Variants in PIP5K1B observed in about 807,000 individuals in gnomAD.
PIP5K1B encodes phosphatidylinositol 4-phosphate 5-kinase type-1 beta.
A neutral mutation model predicts 67.0 loss-of-function variants in PIP5K1B; 42 were observed. The ratio of observed to expected loss-of-function variants is 0.63; its 90% CI spans 0.49 to 0.81. The LOEUF (loss-of-function observed/expected upper bound fraction) is 0.81, where lower values mean the gene tolerates loss of function less well. Among genes scored for constraint, PIP5K1B ranks in the 30% least tolerant of loss-of-function variants. PIP5K1B has a pLI of 0.00. For missense variants in PIP5K1B, 459 were observed against 646.3 expected (o/e 0.71, Z 3.14); for synonymous variants, 214 against 231.4 (o/e 0.92, Z 0.68).
chr9:68,814,245 C>T (rs1251600882), intron 2 of PIP5K1B, among the ~76,000 whole-genome samples: 6 of 151,900 alleles, frequency 3.9e-5, no homozygotes, highest in East Asian at 3.9e-4. Flanking sequence ...AAATGGGCAG[C>T]GAAAATAGTG....
intron 6 of PIP5K1B, among the ~76,000 whole-genome samples, chr9:68,880,473 T>G (rs527671550): frequency 6.6e-6 from 1 of 152,104 alleles, no homozygotes; most frequent in African/African-American, 2.4e-5. Flanking sequence ...GAGAATCACT[T>G]GTACCCCGGA....
intron 14 of PIP5K1B, among the ~76,000 whole-genome samples, chr9:68,981,527 G>A (rs1457978039): frequency 6.6e-6 from 1 of 152,200 alleles, no homozygotes; most frequent in Non-Finnish European, 1.5e-5. Context: ...AGTCATCTGT[G>A]TTGTGTGCTT....
chr9:68,719,808 T>C (rs1477014747), intron 1 of PIP5K1B, among the ~76,000 whole-genome samples: 2 of 152,228 alleles, frequency 1.3e-5, no homozygotes, highest in South Asian at 2.1e-4. Flanking sequence ...TACATGACAA[T>C]TTATAATGCA....
In PIP5K1B at chr9:68,863,856, A is replaced by T; in HGVS notation, c.89A>T (p.Lys30Ile). 6.2e-7 allele frequency: 1 copy of T among 1,613,802 alleles called. No individual in the cohort carries two copies. Among genetic ancestry groups the T allele is most frequent in the African/African-American group, 1.3e-5 (1 of 75,048 alleles). ...TTGCAGACTGCATCATCTGCTATTA[A>T]AGGTGCTATTCAGCTGGGAATAGGA... ...TYKKTASSAI[K>I]GAIQLGIGYT... is the part of the protein sequence containing the mutation. The change falls in exon 5 of 16, where the codon AAA (lysine) becomes ATA (isoleucine). Residue 30 changes from lysine (K) to isoleucine (I), a missense_variant. Lys to Ile is a moderately radical substitution (Grantham distance 102). Transcript: ENST00000265382.
chr9:68,977,076 C>T (rs562126961), intron 14 of PIP5K1B, among the ~76,000 whole-genome samples: 38 of 152,342 alleles, frequency 2.5e-4, no homozygotes, highest in African/African-American at 9.1e-4. Flanking sequence ...AGCCTCACCT[C>T]TGGGATCTAC....
intron 1 of PIP5K1B, chr9:68,707,930 A>G (rs1827199317): frequency 6.6e-6 from 1 of 152,114 alleles, no homozygotes; most frequent in Non-Finnish European, 1.5e-5. Context: ...TTTCTTTCCA[A>G]CTTTAGCATT....
rs574969767 is a variant in PIP5K1B at position 68,725,144 on chromosome 9, C to G, written c.-242-17357C>G. Among the ~76,000 whole-genome samples, 11 of 152,300 alleles carry G rather than the reference C, an allele frequency of 7.2e-5. No individual in the cohort carries two copies. The South Asian group carries it at 1.4e-3, about 20-fold the overall frequency. ...TACACCTACTATAGCTTCTCCTGAG[C>G]AGAGTTTATCTCCTGGTCTCATTGG... On this transcript the variant is annotated intron_variant, in intron 1 of 15. Coordinates refer to ENST00000265382, the MANE Select transcript of PIP5K1B (RefSeq NM_003558.4).
intron 14 of PIP5K1B, among the ~76,000 whole-genome samples, chr9:68,980,934 C>T (rs1182505763): frequency 6.6e-6 from 1 of 152,200 alleles, no homozygotes; most frequent in Non-Finnish European, 1.5e-5. Context: ...GCAATTATGA[C>T]TCTGAACCCA....
At chr9:68,733,716 T>G (rs1157322189) in intron 1 of PIP5K1B, among the ~76,000 whole-genome samples, 1 of 141,520 alleles carries the variant, frequency 7.1e-6, no homozygotes, top group Non-Finnish European at 1.5e-5. Flanking sequence ...CTCAGCTCAC[T>G]GTAACCTCCG....
At chr9:68,986,287 G>A (rs1830093189) in intron 14 of PIP5K1B, among the ~76,000 whole-genome samples, 1 of 152,188 alleles carries the variant, frequency 6.6e-6, no homozygotes, top group Non-Finnish European at 1.5e-5. Flanking sequence ...AACTATCCCA[G>A]TAGTTGTGAA....
intron 4 of PIP5K1B, among the ~76,000 whole-genome samples, chr9:68,853,225 G>C (rs1490099033): frequency 6.6e-6 from 1 of 152,156 alleles, no homozygotes; most frequent in Non-Finnish European, 1.5e-5. Flanking sequence ...CACAATACAA[G>C]CTGAAGGGAT....
chr9:68,944,047 G>GA (rs577192060), intron 14 of PIP5K1B, among the ~76,000 whole-genome samples: 4 of 149,920 alleles, frequency 2.7e-5, no homozygotes, highest in Non-Finnish European at 3.0e-5. Flanking sequence ...AGGAAGGAAA[G>GA]AAAAAAAAAT....
intron 2 of PIP5K1B, chr9:68,782,000 T>G (rs762769034): frequency 1.8e-5 from 3 of 167,082 alleles, no homozygotes; most frequent in Non-Finnish European, 2.9e-5. Context: ...CAGAAATTAT[T>G]GCCAAACAGG....
In PIP5K1B at chr9:68,923,919, A is replaced by G. The variant is rs987353319; in HGVS notation, c.1201+533A>G. 3.9e-5 allele frequency among the ~76,000 whole-genome samples: 6 copies of G among 152,168 alleles called. No individual in the cohort carries two copies. The South Asian group carries it at 8.3e-4, about 21-fold the overall frequency. Reference sequence around the variant, plus strand: ...ATGGAATGAATCAATAAACAGTGAAAACTGAAAACTTCTCAAGTATTTGAA... The same window carrying G: ...ATGGAATGAATCAATAAACAGTGAAGACTGAAAACTTCTCAAGTATTTGAA... On this transcript the variant is annotated intron_variant, in intron 12 of 15. Coordinates refer to ENST00000265382, the MANE Select transcript of PIP5K1B (RefSeq NM_003558.4).
At chr9:68,836,072 G>C (rs982065004) in intron 4 of PIP5K1B, among the ~76,000 whole-genome samples, 3 of 152,136 alleles carry the variant, frequency 2.0e-5, no homozygotes, top group Non-Finnish European at 4.4e-5. Context: ...CAGTAGAATG[G>C]GGTGAGGGTG....
rs547158723 is a variant in PIP5K1B, at chr9:68,893,078, A to C, written c.472-1261A>C. Among the ~76,000 whole-genome samples the C allele has an allele frequency of 4.6e-5, 7 of 152,070 alleles. No homozygotes were observed. The East Asian group carries it at 9.7e-4, about 21-fold the overall frequency. ...ACAGAGTAAGACTCCGTCTCTCAAA[A>C]AATTAAAAAAAAAAATTTAAGGCAA... is the stretch of plus-strand genomic sequence containing the variant. On this transcript the variant is annotated intron_variant, in intron 7 of 15. Transcript: ENST00000265382.
rs114495270 is a variant in PIP5K1B at position 68,734,286 on chromosome 9, G to A, written c.-242-8215G>A. On this transcript the variant is annotated intron_variant, in intron 1 of 15. Coordinates refer to ENST00000265382, the MANE Select transcript of PIP5K1B (RefSeq NM_003558.4). ...TACTACAGTGTTGTTGAGGAAATAC[G>A]CATGTGAGACACAACCAACTGCCTG... Among the ~76,000 whole-genome samples the A allele has an allele frequency of 9.6e-3, 1,468 of 152,286 alleles. 27 individuals are homozygous for A. Among genetic ancestry groups the A allele is most frequent in the African/African-American group, 0.033 (1,389 of 41,556 alleles).
intron 1 of PIP5K1B, among the ~76,000 whole-genome samples, chr9:68,731,104 A>G (rs762831252): frequency 5.3e-5 from 8 of 152,188 alleles, no homozygotes; most frequent in Non-Finnish European, 1.0e-4. Context: ...ATGTGTGATA[A>G]TTTTGGTTTC....
At chr9:68,962,551 G>C (rs1248055909) in intron 14 of PIP5K1B, among the ~76,000 whole-genome samples, 1 of 152,164 alleles carries the variant, frequency 6.6e-6, no homozygotes, top group Non-Finnish European at 1.5e-5. Flanking sequence ...AAAAATTAGA[G>C]GTTTACTAAT....
Sources: allele counts gnomAD v4.1 joint callset (sites outside exome capture counted in the v4.1 genomes callset), GRCh38; gene constraint gnomAD v4.1.1; transcripts MANE v1.5; gene names NCBI Gene and HGNC (gene_info 2026-07-23, HGNC 2026-07-21).